ARMH4: variants seen among roughly 807,000 people sequenced by gnomAD.
The protein encoded by ARMH4 is armadillo like helical domain containing 4, also known as armadillo-like helical domain-containing protein 4.
Under a neutral mutation model 61.9 loss-of-function variants are expected in ARMH4, and 49 were observed. That is an observed-to-expected ratio of 0.79 (90% CI 0.63 to 1.00). The LOEUF is 1.00. Among genes scored for constraint, ARMH4 ranks in the 50% least tolerant of loss-of-function variants. ARMH4 has a pLI of 0.00. For synonymous variants in ARMH4, 368 were observed against 341.5 expected (o/e 1.08, Z -0.85); for missense variants, 934 against 930.0 (o/e 1.00, Z -0.06).
intron 5 of ARMH4, among the ~76,000 whole-genome samples, chr14:58,021,928 G>T (rs1401048698): frequency 6.6e-6 from 1 of 152,130 alleles, no homozygotes. Context: ...AACCAAGGAG[G>T]GCTGCAAGTA....
rs113000628 is a variant in ARMH4, at chr14:58,057,115, A to G, written c.2089+39609T>C. Among the ~76,000 whole-genome samples the G allele has an allele frequency of 6.3e-3, 966 of 152,340 alleles. 15 individuals are homozygous for G. The highest frequency in any genetic ancestry group is 0.022 in the African/African-American group (898 of 41,570). On this transcript the variant is annotated intron_variant, in intron 5 of 7. Transcript: ENST00000267485. ...TTACCTCACACTTTTATCTGAGAAA[A>G]AAAATAAACTTCTCTCTTCTTTAAG...
intron 5 of ARMH4, among the ~76,000 whole-genome samples, chr14:58,084,990 T>C (rs898123060): frequency 6.6e-6 from 1 of 152,244 alleles, no homozygotes; most frequent in African/African-American, 2.4e-5. Flanking sequence ...AGCATCCTTT[T>C]TTATGGTCTC....
chr14:58,003,946 C>T lies in ARMH4; in HGVS notation c.*790G>A, dbSNP rs1331108600. Reference sequence around the variant, plus strand: ...TGAATTCTTCTTCATTTTTTCTCGGCAAAATCAACTAGCACACAAAAAGAA... The same window carrying T: ...TGAATTCTTCTTCATTTTTTCTCGGTAAAATCAACTAGCACACAAAAAGAA... On this transcript the variant is annotated 3_prime_UTR_variant, in exon 8 of 8. Transcript: ENST00000267485. 1 of 152,120 alleles carries T rather than the reference C, an allele frequency of 6.6e-6. No homozygotes were observed. Among genetic ancestry groups the T allele is most frequent in the South Asian group, 2.1e-4 (1 of 4,830 alleles). 9.4% of individuals were successfully genotyped at this position (152,120 alleles called of 1,614,324 possible).
At position 58,138,479 on chromosome 14, in the gene ARMH4, G is replaced by C. The variant is rs61736788; in HGVS notation, c.880C>G (p.Pro294Ala). The C allele has an allele frequency of 2.9e-4, 465 of 1,614,196 alleles. 2 individuals carry two copies. The African/African-American group carries it at 5.0e-3, about 17-fold the overall frequency. Residue 294 changes from proline (P) to alanine (A), a missense_variant, in exon 2 of 8, where the codon CCA (proline) becomes GCA (alanine). Transcript: ENST00000267485. ...EPETDSLLGA[P>A]EVTVSVSTAV... is the part of the protein sequence containing the mutation. ...GTGCTGACACTCACTGTGACTTCTGGGGCTCCCAGCAGACTATCAGTTTCT... is the reference window on the plus strand; with the variant it reads ...GTGCTGACACTCACTGTGACTTCTGCGGCTCCCAGCAGACTATCAGTTTCT...
At chr14:58,017,709 C>T (rs1010956921) in intron 5 of ARMH4, among the ~76,000 whole-genome samples, 1 of 151,954 alleles carries the variant, frequency 6.6e-6, no homozygotes, top group African/African-American at 2.4e-5. Flanking sequence ...AATCAAAAAC[C>T]ATCTACATAT....
At chr14:58,051,561 C>T (rs1185143034) in intron 5 of ARMH4, among the ~76,000 whole-genome samples, 3 of 152,228 alleles carry the variant, frequency 2.0e-5, no homozygotes, top group Non-Finnish European at 2.9e-5. Context: ...ATAACCAATA[C>T]ATTCATTCAG....
chr14:58,110,268 A>G (rs958103434), intron 4 of ARMH4, among the ~76,000 whole-genome samples: 4 of 152,130 alleles, frequency 2.6e-5, no homozygotes, highest in Admixed American at 6.5e-5. Context: ...TTTGAAGTAT[A>G]TATGTATTGT....
At chr14:58,012,460 A>C (rs899141556) in intron 5 of ARMH4, among the ~76,000 whole-genome samples, 2 of 152,170 alleles carry the variant, frequency 1.3e-5, no homozygotes, top group African/African-American at 4.8e-5. Flanking sequence ...TAAAATATCA[A>C]GTTCATTTAT....
intron 5 of ARMH4, among the ~76,000 whole-genome samples, chr14:58,061,986 A>T (rs2141215000): frequency 6.6e-6 from 1 of 151,930 alleles, no homozygotes; most frequent in Admixed American, 6.6e-5. Flanking sequence ...TTAAAAAAAA[A>T]AAAGCAAACA....
intron 5 of ARMH4, among the ~76,000 whole-genome samples, chr14:58,022,293 ACTCTAACCCTC>A (rs571717570): frequency 1.0e-3 from 157 of 151,808 alleles, no homozygotes; most frequent in Non-Finnish European, 1.6e-3. Flanking sequence ...TTCTTCTCTG[ACTCTAACCCTC>A]CTAATTCTCT....
chr14:58,010,014 A>C (rs1371282290), intron 6 of ARMH4, among the ~76,000 whole-genome samples: 1 of 152,122 alleles, frequency 6.6e-6, no homozygotes, highest in Non-Finnish European at 1.5e-5. Context: ...TAACCAACAG[A>C]GACTCAATAC....
At chr14:58,112,547 A>G (rs1359074929) in intron 4 of ARMH4, among the ~76,000 whole-genome samples, 1 of 152,068 alleles carries the variant, frequency 6.6e-6, no homozygotes, top group Non-Finnish European at 1.5e-5. Flanking sequence ...TACTCCATAA[A>G]TTAGAAATTA....
intron 5 of ARMH4, among the ~76,000 whole-genome samples, chr14:58,052,070 T>G (rs533105725): frequency 6.6e-6 from 1 of 152,208 alleles, no homozygotes; most frequent in East Asian, 1.9e-4. Context: ...TAGGCCCTGG[T>G]CATCTCCCAA....
intron 5 of ARMH4, among the ~76,000 whole-genome samples, chr14:58,094,413 A>C (rs536168506): frequency 6.6e-6 from 1 of 151,694 alleles, no homozygotes; most frequent in Non-Finnish European, 1.5e-5. Flanking sequence ...TTTTTGTCCT[A>C]AGCCTCAAGC....
chr14:58,041,483 C>A (rs1341539908), intron 5 of ARMH4, among the ~76,000 whole-genome samples: 1 of 152,166 alleles, frequency 6.6e-6, no homozygotes, highest in Non-Finnish European at 1.5e-5. Context: ...CCAGCCACTG[C>A]AAAAATATGC....
intron 5 of ARMH4, among the ~76,000 whole-genome samples, chr14:58,087,799 AC>A (rs1885429417): frequency 6.6e-6 from 1 of 152,180 alleles, no homozygotes; most frequent in African/African-American, 2.4e-5. Flanking sequence ...CTTTCCAAAT[AC>A]CTTAAAGTGT....
At position 58,024,106 on chromosome 14, in the gene ARMH4, C is replaced by A. The variant is rs138101315; in HGVS notation, c.2090-11956G>T. On this transcript the variant is annotated intron_variant, in intron 5 of 7. Transcript: ENST00000267485. ...AACTTAAAGTCACCAGTGGCATTAGCCCCTAACAAGAGAGTCAGCCTGTCT... is the reference window on the plus strand; with the variant it reads ...AACTTAAAGTCACCAGTGGCATTAGACCCTAACAAGAGAGTCAGCCTGTCT... 7.9e-4 allele frequency among the ~76,000 whole-genome samples: 120 copies of A among 152,296 alleles called. No individual in the cohort carries two copies. In the East Asian group the frequency reaches 0.022, roughly 28 times the overall value.
At chr14:58,045,407 A>G (rs1180034851) in intron 5 of ARMH4, among the ~76,000 whole-genome samples, 1 of 152,198 alleles carries the variant, frequency 6.6e-6, no homozygotes, top group Non-Finnish European at 1.5e-5. Context: ...GTGGGAATTG[A>G]ACAATGAGAA....
chr14:58,106,338 C>T (rs983294183), intron 4 of ARMH4, among the ~76,000 whole-genome samples: 7 of 152,200 alleles, frequency 4.6e-5, no homozygotes, highest in Non-Finnish European at 1.0e-4. Flanking sequence ...TCAGCCAAAA[C>T]CCTAACTTAG....
Sources: allele counts gnomAD v4.1 joint callset (sites outside exome capture counted in the v4.1 genomes callset), GRCh38; gene constraint gnomAD v4.1.1; transcripts MANE v1.5; gene names NCBI Gene and HGNC (gene_info 2026-07-23, HGNC 2026-07-21).